HPSE: variants seen among roughly 807,000 people sequenced by gnomAD.
The protein encoded by HPSE is heparanase.
A neutral mutation model predicts 65.1 loss-of-function variants in HPSE; 48 were observed. That is an observed-to-expected ratio of 0.74 (90% confidence interval 0.58 to 0.94). HPSE has a LOEUF of 0.94. Ranked by LOEUF, HPSE falls within the 40% of genes least tolerant of loss-of-function variation. The pLI is 0.00. For missense variants in HPSE, 644 were observed against 637.5 expected, an observed-to-expected ratio of 1.01 and a Z score of -0.11; for synonymous variants, 243 against 260.0, an observed-to-expected ratio of 0.93 and a Z score of 0.63.
intron 9 of HPSE, 21 bp from the exon 10 acceptor site, chr4:83,302,289 GAAAGAGA>G (rs1351405625): frequency 6.7e-7 from 1 of 1,491,118 alleles, no homozygotes; most frequent in Non-Finnish European, 9.3e-7. Flanking sequence ...TGGTTGGGGA[GAAAGAGA>G]CAAAAATAGA....
At position 83,295,423 on chromosome 4, in the gene HPSE, G is replaced by A; in HGVS notation, c.1553C>T (p.Pro518Leu). 6.2e-7 allele frequency: 1 copy of A among 1,613,386 alleles called. No homozygotes were observed. Among genetic ancestry groups the A allele is most frequent in the East Asian group, 2.2e-5 (1 of 44,872 alleles). Reference sequence around the variant, plus strand: ...AGCTGGCAAGCCCAGTGAACTTCCTGGCCGGAGAGGTTTTTCCATTAAAGG... The same window carrying A: ...AGCTGGCAAGCCCAGTGAACTTCCTAGCCGGAGAGGTTTTTCCATTAAAGG... The part of the protein sequence containing the change: ...LPPLMEKPLR[P>L]GSSLGLPAFS... The change falls in exon 12 of 12, where the codon CCA becomes CTA. Residue 518 changes from proline (P) to leucine (L), a missense_variant. Physicochemically the swap from Pro to Leu is moderately conservative, Grantham distance 98. Coordinates refer to ENST00000311412, the MANE Select transcript of HPSE (RefSeq NM_001098540.3).
rs1170581118 is a variant in HPSE at position 83,301,052 on chromosome 4, G to A, written c.1380C>T (p.Val460=). The A allele has an allele frequency of 6.2e-7, 1 of 1,607,700 alleles. No homozygotes were observed. Among genetic ancestry groups the A allele is most frequent in the Admixed American group, 1.7e-5 (1 of 59,538 alleles). The change falls in exon 11 of 12, where the codon GTC becomes GTT. Residue 460 remains valine, a synonymous_variant. Transcript: ENST00000311412. The part of the protein sequence containing the change: ...LTLYAINLHN[V]TKYLRLPYPF... The stretch of plus-strand genomic sequence containing the variant: ...GATAGGGTAACCGCAAGTACTTGGT[G>A]ACATTATGGAGGTTTATGGCATACA...
intron 9 of HPSE, among the ~76,000 whole-genome samples, chr4:83,305,819 C>T (rs1241273271): frequency 3.3e-5 from 5 of 152,142 alleles, no homozygotes; most frequent in African/African-American, 1.2e-4. Flanking sequence ...AAATAAATTA[C>T]AATTTCATAA....
At chr4:83,315,586 G>T (rs968279789) in intron 3 of HPSE, among the ~76,000 whole-genome samples, 3 of 152,140 alleles carry the variant, frequency 2.0e-5, no homozygotes, top group Non-Finnish European at 2.9e-5. Flanking sequence ...TGTAGGAAGT[G>T]CCCTGGATCA....
intron 3 of HPSE, among the ~76,000 whole-genome samples, chr4:83,313,700 T>C (rs891609675): frequency 2.0e-5 from 3 of 152,332 alleles, no homozygotes; most frequent in Non-Finnish European, 2.9e-5. Context: ...ATTTTAATTA[T>C]ATTTAAAACA....
chr4:83,334,334 C>G (rs1250860951), intron 1 of HPSE, among the ~76,000 whole-genome samples: 1 of 152,074 alleles, frequency 6.6e-6, no homozygotes, highest in East Asian at 1.9e-4. Context: ...ACTTGTAACC[C>G]CTAAATCTAT....
At chr4:83,306,460 G>T in intron 8 of HPSE, 143 bp from the exon 9 acceptor site, 1 of 533,660 alleles carries the variant, frequency 1.9e-6, no homozygotes, top group Non-Finnish European at 3.3e-6. Flanking sequence ...CTGTCACCCA[G>T]GCTGGAGTGC....
intron 7 of HPSE, 123 bp downstream of exon 7, chr4:83,309,279 C>T: frequency 7.9e-6 from 5 of 634,036 alleles, no homozygotes; most frequent in Non-Finnish European, 1.4e-5. Context: ...GTGGATAAGT[C>T]ATAGTGCTTG....
chr4:83,329,277 T>C (rs1416989621), intron 1 of HPSE, among the ~76,000 whole-genome samples: 1 of 152,202 alleles, frequency 6.6e-6, no homozygotes, highest in Non-Finnish European at 1.5e-5. Flanking sequence ...TTAATATACA[T>C]TAAAATTAAT....
intron 11 of HPSE, among the ~76,000 whole-genome samples, chr4:83,296,184 T>C (rs1332965226): frequency 6.6e-6 from 1 of 152,220 alleles, no homozygotes; most frequent in Non-Finnish European, 1.5e-5. Context: ...TTATTTCTTA[T>C]ACATACTTAT....
chr4:83,314,565 T>G (rs1736553951), intron 3 of HPSE, among the ~76,000 whole-genome samples: 1 of 152,230 alleles, frequency 6.6e-6, no homozygotes, highest in Admixed American at 6.5e-5. Context: ...TGGGAACTTC[T>G]GTACTCTGCT....
At chr4:83,301,950 C>T (rs781189549) in intron 10 of HPSE, among the ~76,000 whole-genome samples, 200 bp downstream of exon 10, 2 of 151,890 alleles carry the variant, frequency 1.3e-5, no homozygotes, top group Admixed American at 6.6e-5. Context: ...AGCGAGGCCC[C>T]GTCTCAAAAA....
chr4:83,322,789 T>TGTGTG lies in HPSE; in HGVS notation c.228-426_228-425insCACAC, dbSNP rs1560514324. ...AGCTCTAATTCTGGCAAGAGCTTGT[T>TGTGTG]TGTGTGTGTGTGTGTGTGTGTGTGT... On this transcript the variant is annotated intron_variant, in intron 1 of 11. Coordinates refer to ENST00000311412, the MANE Select transcript of HPSE (RefSeq NM_001098540.3). Among the ~76,000 whole-genome samples the TGTGTG allele has an allele frequency of 2.2e-3, 233 of 104,062 alleles. 5 individuals are homozygous for TGTGTG. Among genetic ancestry groups the TGTGTG allele is most frequent in the African/African-American group, 6.0e-3 (165 of 27,446 alleles). 68.3% of individuals were successfully genotyped at this position (104,062 alleles called of 152,430 possible).
At chr4:83,302,062 A>G (rs1735969049) in intron 10 of HPSE, 88 bp downstream of exon 10, 3 of 783,352 alleles carry the variant, frequency 3.8e-6, no homozygotes, top group African/African-American at 1.7e-5. Flanking sequence ...TATGCAATGT[A>G]TAGACACATG....
chr4:83,303,148 A>AC (rs1736017250), intron 9 of HPSE, among the ~76,000 whole-genome samples: 1 of 151,652 alleles, frequency 6.6e-6, no homozygotes, highest in Non-Finnish European at 1.5e-5. Context: ...TTGCAAAAAA[A>AC]TACAATTAAA....
At chr4:83,319,607 A>G in intron 2 of HPSE, 138 bp from the exon 3 acceptor site, 1 of 853,388 alleles carries the variant, frequency 1.2e-6, no homozygotes, top group Non-Finnish European at 1.8e-6. Context: ...GAGCAGAGAA[A>G]AGGTATATTC....
chr4:83,322,146 C>A lies in HPSE; in HGVS notation c.373+73G>T, dbSNP rs972860926. 4 of 1,270,832 alleles carry A rather than the reference C, an allele frequency of 3.1e-6. No homozygotes were observed. The Admixed American group carries it at 7.4e-5, about 24-fold the overall frequency. 78.7% of individuals were successfully genotyped at this position (1,270,832 alleles called of 1,614,324 possible). On this transcript the variant is annotated intron_variant, in intron 2 of 11. Coordinates refer to ENST00000311412, the MANE Select transcript of HPSE (RefSeq NM_001098540.3). Reference sequence around the variant, plus strand: ...ATTAATTGTTAGGTGTGAGAAATAACAGTTTTCTCAAAGCATTCTCATGAC... The same window carrying A: ...ATTAATTGTTAGGTGTGAGAAATAAAAGTTTTCTCAAAGCATTCTCATGAC...
chr4:83,302,244 T>G lies in HPSE; in HGVS notation c.1231A>C (p.Lys411Gln). The G allele has an allele frequency of 6.2e-7, 1 of 1,613,434 alleles. No individual in the cohort carries two copies. Among genetic ancestry groups the G allele is most frequent in the Non-Finnish European group, 8.5e-7 (1 of 1,179,410 alleles). ...LPDYWLSLLF[K>Q]KLVGTKVLMA... ...AACACCTTGGTGCCCACCAATTTCT[T>G]GAACAGAAGAGATAGCCAATAATCC... Residue 411 changes from lysine to glutamine, a missense_variant, in exon 10 of 12, where the codon AAG becomes CAG. Lys to Gln is a moderately conservative substitution (Grantham distance 53). Transcript: ENST00000311412.
intron 9 of HPSE, among the ~76,000 whole-genome samples, chr4:83,303,101 A>G (rs1048117968): frequency 1.6e-4 from 24 of 152,120 alleles, no homozygotes; most frequent in African/African-American, 5.6e-4. Context: ...ACACAACCAG[A>G]CATTCTGTGC....
Sources: allele counts gnomAD v4.1 joint callset (sites outside exome capture counted in the v4.1 genomes callset), GRCh38; gene constraint gnomAD v4.1.1; transcripts MANE v1.5; gene names NCBI Gene and HGNC (gene_info 2026-07-23, HGNC 2026-07-21).